Variants in SELPLG observed in about 807,000 individuals in gnomAD.
SELPLG encodes the protein selectin P ligand.
Under a neutral mutation model 1.1 loss-of-function variants are expected in SELPLG, and 2 were observed. That is an observed-to-expected ratio of 1.82 (90% CI 0.74 to 5.71). The LOEUF (loss-of-function observed/expected upper bound fraction) is 5.71. Among genes scored for constraint, SELPLG ranks in the 30% most tolerant of loss-of-function variants. SELPLG has a pLI of 0.05. For synonymous variants in SELPLG, 230 were observed against 221.2 expected (o/e 1.04, Z -0.35); for missense variants, 478 against 524.7 (o/e 0.91, Z 0.87).
Position 108,623,273 on chromosome 12 carries a change from G to A in SELPLG, c.1035C>T (p.Leu345=). 1.2e-6 allele frequency: 2 copies of A among 1,614,092 alleles called. No individual in the cohort carries two copies. Among genetic ancestry groups the A allele is most frequent in the Middle Eastern group, 1.6e-4 (1 of 6,062 alleles). ...CGGGGTACATGTGGCCCTTGCGGGA[G>A]AGGCGGACCGCCAGCACCACAGTGC... ...FVCTVVLAVR[L]SRKGHMYPVR... Residue 345 remains leucine (L), a synonymous_variant, in exon 2 of 2, where the codon CTC becomes CTT. Coordinates refer to ENST00000550948, the MANE Select transcript of SELPLG (RefSeq NM_003006.4).
In SELPLG at chr12:108,623,821, T is replaced by C; in HGVS notation, c.487A>G (p.Thr163Ala). The C allele has an allele frequency of 1.2e-6, 2 of 1,612,432 alleles. No individual in the cohort carries two copies. Among genetic ancestry groups the C allele is most frequent in the South Asian group, 2.2e-5 (2 of 90,880 alleles). The change falls in exon 2 of 2, where the codon ACC (threonine) becomes GCC (alanine). Residue 163 changes from threonine to alanine, a missense_variant. By Grantham distance (58) the Thr-to-Ala change is moderately conservative. Coordinates refer to ENST00000550948, the MANE Select transcript of SELPLG (RefSeq NM_003006.4). ...TTRLTATEAQ[T>A]TPLAATEAQT... Reference sequence around the variant, plus strand: ...GCCTCTGTGGCTGCCAGTGGAGTGGTCTGTGCCTCCGTGGCCGTCAGTCGA... The same window carrying C: ...GCCTCTGTGGCTGCCAGTGGAGTGGCCTGTGCCTCCGTGGCCGTCAGTCGA...
Position 108,623,070 on chromosome 12 carries a change from T to G in SELPLG, c.1238A>C (p.Ter413SerextTer73), listed in dbSNP as rs1157162928. 1.3e-6 allele frequency: 2 copies of G among 1,491,542 alleles called. No individual in the cohort carries two copies. Among genetic ancestry groups the G allele is most frequent in the African/African-American group, 2.8e-5 (2 of 71,376 alleles). The allele number at this position is 1,491,542 out of a possible 1,614,324, so 92.4% of individuals were successfully genotyped here. The change falls in exon 2 of 2, where the codon TAG becomes TCG. Residue 413 changes from the stop codon to serine, a stop_lost. Transcript: ENST00000550948. ...TGCCAAAACAGATGGCAGAGTGAGC[T>G]AAGGGAGGAAGCTGTGCAGGGTGAG... is the stretch of plus-strand genomic sequence containing the variant. ...DDLTLHSFLP[*>S]
At chr12:108,627,095 A>C (rs527274710) in intron 1 of SELPLG, among the ~76,000 whole-genome samples, 17 of 151,924 alleles carry the variant, frequency 1.1e-4, no homozygotes, top group Non-Finnish European at 2.4e-4. Context: ...CAAGAGCAAA[A>C]CTCTGTCTAA....
At chr12:108,632,069 T>C (rs2032067803) in intron 1 of SELPLG, 1 of 706,554 alleles carries the variant, frequency 1.4e-6, no homozygotes, top group East Asian at 2.7e-5. Context: ...TCCAAGGTTC[T>C]CGGATGATTG....
In SELPLG at chr12:108,629,210, C is replaced by T. The variant is rs8179125; in HGVS notation, c.-6+4530G>A. 8.6e-3 allele frequency among the ~76,000 whole-genome samples: 1,311 copies of T among 152,234 alleles called. 27 individuals carry two copies. The highest frequency in any genetic ancestry group is 0.03 in the African/African-American group (1,244 of 41,514). On this transcript the variant is annotated intron_variant, in intron 1 of 1. Transcript: ENST00000550948. ...AAGCCCAGACCTCCTTTCCTGGGCCCGTCTAAAGCAACCACCTTATCCTAC... is the reference window on the plus strand; with the variant it reads ...AAGCCCAGACCTCCTTTCCTGGGCCTGTCTAAAGCAACCACCTTATCCTAC...
At chr12:108,624,437 G>A in intron 1 of SELPLG, 125 bp from the exon 2 acceptor site, 2 of 818,434 alleles carry the variant, frequency 2.4e-6, no homozygotes. Flanking sequence ...AGGGACTGGG[G>A]ACTTAGGCAT....
At chr12:108,632,205 C>T in intron 1 of SELPLG, 1 of 421,432 alleles carries the variant, frequency 2.4e-6, no homozygotes, top group Non-Finnish European at 4.3e-6. Context: ...CCACCCAGGG[C>T]ACGGCCTCGG....
chr12:108,630,185 C>T (rs1020250484), intron 1 of SELPLG, among the ~76,000 whole-genome samples: 2 of 152,210 alleles, frequency 1.3e-5, no homozygotes, highest in African/African-American at 4.8e-5. Context: ...AGAGACTGCT[C>T]GTTTGCCTCT....
rs757850688 is a variant in SELPLG at position 108,623,150 on chromosome 12, C to T, written c.1158G>A (p.Lys386=). The T allele has an allele frequency of 3.1e-6, 5 of 1,610,758 alleles. No individual in the cohort carries two copies. The highest frequency in any genetic ancestry group is 1.7e-5 in the Admixed American group (1 of 59,560). ...PSATANGGLS[K]AKSPGLTPEP... is the part of the protein sequence containing the mutation. ...CTGGCGTCAGGCCCGGGCTCTTGGC[C>T]TTGGACAGGCCCCCATTGGCTGTGG... is the stretch of plus-strand genomic sequence containing the variant. The change falls in exon 2 of 2, where the codon AAG becomes AAA. Residue 386 remains lysine, a synonymous_variant. Coordinates refer to ENST00000550948, the MANE Select transcript of SELPLG (RefSeq NM_003006.4).
intron 1 of SELPLG, among the ~76,000 whole-genome samples, chr12:108,631,668 C>G (rs545715625): frequency 2.0e-5 from 3 of 152,208 alleles, no homozygotes; most frequent in Non-Finnish European, 4.4e-5. Flanking sequence ...CCCTCCACCC[C>G]ACCAAGAACC....
At chr12:108,629,901 GCCCCTCCCACGGAGGGATGATTTCAT>G (rs1190291049) in intron 1 of SELPLG, among the ~76,000 whole-genome samples, 1 of 152,110 alleles carries the variant, frequency 6.6e-6, no homozygotes, top group Non-Finnish European at 1.5e-5. Flanking sequence ...ATATGTGGAA[GCCCCTCCCACGGAGGGATGATTTCAT>G]CCTCTCACTA....
chr12:108,623,849 T>C lies in SELPLG; in HGVS notation c.459A>G (p.Thr153=). 3.3e-6 allele frequency: 5 copies of C among 1,510,152 alleles called. No homozygotes were observed. The highest frequency in any genetic ancestry group is 4.4e-6 in the Non-Finnish European group (5 of 1,129,960). 93.5% of individuals were successfully genotyped at this position (1,510,152 alleles called of 1,614,324 possible). Residue 153 remains threonine, a synonymous_variant, in exon 2 of 2, where the codon ACA becomes ACG. Transcript: ENST00000550948. ...TTPLAATEAQ[T]TRLTATEAQT... ...GTGCCTCCGTGGCCGTCAGTCGAGT[T>C]GTCTGTGCCTCTGTGGCTGCCAGTG...
chr12:108,623,497 C>T lies in SELPLG; in HGVS notation c.811G>A (p.Ala271Thr), dbSNP rs748306705. 6.2e-7 allele frequency: 1 copy of T among 1,614,132 alleles called. No individual in the cohort carries two copies. The highest frequency in any genetic ancestry group is 8.5e-7 in the Non-Finnish European group (1 of 1,180,060). The change falls in exon 2 of 2, where the codon GCC (alanine) becomes ACC (threonine). Residue 271 changes from alanine to threonine, a missense_variant. By Grantham distance (58) the Ala-to-Thr change is moderately conservative. Coordinates refer to ENST00000550948, the MANE Select transcript of SELPLG (RefSeq NM_003006.4). ...TTGGTAGTAGGTTCCATGGACAGGGCCTCTGTGGCACTGGGTTCTGTGGAC... is the reference window on the plus strand; with the variant it reads ...TTGGTAGTAGGTTCCATGGACAGGGTCTCTGTGGCACTGGGTTCTGTGGAC... ...ALSTEPSATE[A>T]LSMEPTTKRG...
Position 108,623,793 on chromosome 12 carries a change from T to G in SELPLG, c.515A>C (p.Gln172Pro), listed in dbSNP as rs937447654. 2 of 1,612,092 alleles carry G rather than the reference T, an allele frequency of 1.2e-6. No homozygotes were observed. Among genetic ancestry groups the G allele is most frequent in the African/African-American group, 2.7e-5 (2 of 74,194 alleles). Reference sequence around the variant, plus strand: ...TTCCGTGGCTGCTGGTGGAGTGGTCTGTGCCTCTGTGGCTGCCAGTGGAGT... The same window carrying G: ...TTCCGTGGCTGCTGGTGGAGTGGTCGGTGCCTCTGTGGCTGCCAGTGGAGT... ...QTTPLAATEAQTTPPAATEAQ... is the reference protein window; with the variant it reads ...QTTPLAATEAPTTPPAATEAQ... The change falls in exon 2 of 2, where the codon CAG becomes CCG. Residue 172 changes from glutamine to proline, a missense_variant. Coordinates refer to ENST00000550948, the MANE Select transcript of SELPLG (RefSeq NM_003006.4).
chr12:108,628,318 A>AACACACACAC (rs57432345), intron 1 of SELPLG, among the ~76,000 whole-genome samples: 3,228 of 140,150 alleles, frequency 0.023, 74 homozygotes, highest in African/African-American at 0.058. Context: ...TAATAAATGT[A>AACACACACAC]ACACACACAC....
rs1389513390 is a variant in SELPLG, at chr12:108,623,807, T to C, written c.501A>G (p.Ala167=). 4 of 1,613,206 alleles carry C rather than the reference T, an allele frequency of 2.5e-6. No homozygotes were observed. The African/African-American group carries it at 5.4e-5, about 22-fold the overall frequency. The part of the protein sequence containing the change: ...TATEAQTTPL[A]ATEAQTTPPA... The stretch of plus-strand genomic sequence containing the variant: ...GTGGAGTGGTCTGTGCCTCTGTGGC[T>C]GCCAGTGGAGTGGTCTGTGCCTCCG... Residue 167 remains alanine (A), a synonymous_variant, in exon 2 of 2, where the codon GCA becomes GCG. Transcript: ENST00000550948.
rs1371034816 is a variant in SELPLG at position 108,632,165 on chromosome 12, G to C, written c.-6+1575C>G. 5 of 523,262 alleles carry C rather than the reference G, an allele frequency of 9.6e-6. No homozygotes were observed. In the East Asian group the frequency reaches 9.6e-5, roughly 10 times the overall value. The allele number at this position is 523,262 out of a possible 1,614,324, so 32.4% of individuals were successfully genotyped here. ...TCTCTGAGGTTTAACTCCCCTGGCT[G>C]CTGGCCAAGCCTGCTGAGGGAGGCA... On this transcript the variant is annotated intron_variant, in intron 1 of 1. Coordinates refer to ENST00000550948, the MANE Select transcript of SELPLG (RefSeq NM_003006.4).
chr12:108,630,677 C>A (rs1447085466), intron 1 of SELPLG, among the ~76,000 whole-genome samples: 3 of 152,166 alleles, frequency 2.0e-5, no homozygotes, highest in Non-Finnish European at 4.4e-5. Flanking sequence ...AGCTGGAATA[C>A]AAGGACAATG....
intron 1 of SELPLG, among the ~76,000 whole-genome samples, chr12:108,628,324 C>T (rs1390682530): frequency 1.8e-4 from 15 of 84,662 alleles, no homozygotes; most frequent in African/African-American, 5.3e-4. Context: ...ATGTAACACA[C>T]ACACACACAC....
Sources: allele counts gnomAD v4.1 joint callset (sites outside exome capture counted in the v4.1 genomes callset), GRCh38; gene constraint gnomAD v4.1.1; transcripts MANE v1.5; gene names NCBI Gene and HGNC (gene_info 2026-07-23, HGNC 2026-07-21).